Variants in NDUFAF2 observed in about 807,000 individuals in gnomAD.
NDUFAF2 encodes NADH:ubiquinone oxidoreductase complex assembly factor 2.
Under a neutral mutation model 22.8 loss-of-function variants are expected in NDUFAF2, and 13 were observed. That is an observed-to-expected ratio of 0.57 (90% CI 0.37 to 0.91). The LOEUF (loss-of-function observed/expected upper bound fraction) is 0.91. NDUFAF2 is among the 40% of genes least tolerant of loss of function. NDUFAF2 has a pLI of 0.01. For synonymous variants in NDUFAF2, 53 were observed against 64.2 expected, an observed-to-expected ratio of 0.83 and a Z score of 0.84; for missense variants, 162 against 195.2, an observed-to-expected ratio of 0.83 and a Z score of 1.01.
Position 61,104,191 on chromosome 5 carries a change from T to C in NDUFAF2, c.258+5159T>C, listed in dbSNP as rs567409938. ...TCAGCATGTGTTCTTCAGTGTTGTA[T>C]AAGGTGAATTCACATTTCACAGAGC... On this transcript the variant is annotated intron_variant, in intron 3 of 3. Transcript: ENST00000296597. 3.9e-5 allele frequency among the ~76,000 whole-genome samples: 6 copies of C among 152,252 alleles called. No homozygotes were observed. In the South Asian group the frequency reaches 1.0e-3, roughly 26 times the overall value.
intron 3 of NDUFAF2, chr5:61,146,260 A>G (rs39661): frequency 0.6 from 91,342 of 151,940 alleles, 28,218 homozygotes; most frequent in East Asian, 0.94. Flanking sequence ...AATGCTTCTC[A>G]TGTGCTCAGG....
chr5:60,961,371 G>A (rs920070770), intron 1 of NDUFAF2, among the ~76,000 whole-genome samples: 1 of 152,048 alleles, frequency 6.6e-6, no homozygotes, highest in East Asian at 1.9e-4. Context: ...CAAGGCGGGT[G>A]GGTCACGAGG....
At chr5:60,992,839 C>T (rs973953271) in intron 1 of NDUFAF2, among the ~76,000 whole-genome samples, 1 of 152,092 alleles carries the variant, frequency 6.6e-6, no homozygotes, top group Non-Finnish European at 1.5e-5. Context: ...TTAAATATAT[C>T]AGGCCACTCT....
At chr5:60,952,426 T>C (rs1010323531) in intron 1 of NDUFAF2, among the ~76,000 whole-genome samples, 4 of 152,078 alleles carry the variant, frequency 2.6e-5, no homozygotes, top group Non-Finnish European at 5.9e-5. Context: ...TTTTCTTATT[T>C]ATTTTTTCCT....
intron 1 of NDUFAF2, among the ~76,000 whole-genome samples, chr5:61,011,350 C>T (rs1751440679): frequency 6.6e-6 from 1 of 152,068 alleles, no homozygotes; most frequent in South Asian, 2.1e-4. Context: ...GAAGTGTCTG[C>T]CCCACTTTTG....
At chr5:61,113,816 GT>G (rs34763275) in intron 3 of NDUFAF2, among the ~76,000 whole-genome samples, 92,781 of 150,138 alleles carry the variant, frequency 0.62, 29,445 homozygotes, top group East Asian at 0.94. Context: ...TAGGATTAAA[GT>G]TTTTTTTTTT....
At chr5:61,074,106 C>T (rs910600814) in intron 2 of NDUFAF2, among the ~76,000 whole-genome samples, 1 of 152,190 alleles carries the variant, frequency 6.6e-6, no homozygotes, top group Non-Finnish European at 1.5e-5. Flanking sequence ...CAGTTCCTAG[C>T]ATAGTGCCTG....
chr5:61,043,049 G>A (rs559091175), intron 1 of NDUFAF2, among the ~76,000 whole-genome samples: 3 of 152,174 alleles, frequency 2.0e-5, no homozygotes, highest in East Asian at 1.9e-4. Context: ...GTGAAACCCC[G>A]TCTCTACTAA....
At chr5:61,140,564 T>G (rs1579851608) in intron 3 of NDUFAF2, among the ~76,000 whole-genome samples, 2 of 152,370 alleles carry the variant, frequency 1.3e-5, no homozygotes, top group East Asian at 3.9e-4. Context: ...ATGTCCCATA[T>G]AATTTTTAGG....
intron 2 of NDUFAF2, among the ~76,000 whole-genome samples, chr5:61,080,672 T>C (rs1283774244): frequency 1.3e-5 from 2 of 152,156 alleles, no homozygotes; most frequent in Non-Finnish European, 2.9e-5. Context: ...TACTTTTATA[T>C]CTTTTTGCCC....
chr5:61,015,407 G>A (rs939221250), intron 1 of NDUFAF2, among the ~76,000 whole-genome samples: 25 of 152,154 alleles, frequency 1.6e-4, no homozygotes, highest in Non-Finnish European at 2.1e-4. Flanking sequence ...TCAGCCTCCT[G>A]AGTAGCTGGG....
At chr5:60,960,187 A>G (rs1750666121) in intron 1 of NDUFAF2, among the ~76,000 whole-genome samples, 1 of 152,186 alleles carries the variant, frequency 6.6e-6, no homozygotes, top group African/African-American at 2.4e-5. Flanking sequence ...TGTAAGAGAA[A>G]AAGAGTTATT....
At chr5:61,001,988 G>A (rs552067411) in intron 1 of NDUFAF2, among the ~76,000 whole-genome samples, 1 of 152,094 alleles carries the variant, frequency 6.6e-6, no homozygotes. Context: ...GAAAGGGTTG[G>A]TAGGAAAACT....
At chr5:60,945,499 G>A (rs1750425864) in intron 1 of NDUFAF2, 117 bp downstream of exon 1, 1 of 1,452,422 alleles carries the variant, frequency 6.9e-7, no homozygotes, top group Non-Finnish European at 9.6e-7. Context: ...GGTGTCACCG[G>A]AGAGAATTTC....
At chr5:60,976,423 C>T (rs186002612) in intron 1 of NDUFAF2, among the ~76,000 whole-genome samples, 4 of 151,974 alleles carry the variant, frequency 2.6e-5, no homozygotes, top group African/African-American at 9.6e-5. Context: ...CTAATATTCA[C>T]ATATTATAGT....
chr5:61,114,766 A>G (rs1232984982), intron 3 of NDUFAF2: 1 of 151,320 alleles, frequency 6.6e-6, no homozygotes, highest in African/African-American at 2.4e-5. Flanking sequence ...GGGGACTCAA[A>G]GCCCAGTAAT....
chr5:60,955,089 A>G (rs1340331391), intron 1 of NDUFAF2, among the ~76,000 whole-genome samples: 1 of 151,996 alleles, frequency 6.6e-6, no homozygotes, highest in Non-Finnish European at 1.5e-5. Flanking sequence ...AGACTTATCT[A>G]TTTTTGCTTT....
At chr5:61,108,900 C>T (rs779893951) in intron 3 of NDUFAF2, among the ~76,000 whole-genome samples, 1 of 152,070 alleles carries the variant, frequency 6.6e-6, no homozygotes, top group Non-Finnish European at 1.5e-5. Flanking sequence ...TGTGATTCCC[C>T]CAGTTTTGTT....
intron 1 of NDUFAF2, among the ~76,000 whole-genome samples, chr5:61,066,511 G>A (rs765734272): frequency 5.3e-5 from 8 of 151,910 alleles, no homozygotes; most frequent in Non-Finnish European, 8.8e-5. Flanking sequence ...AAAACAGTAC[G>A]GTACTGGCAT....
Sources: allele counts gnomAD v4.1 joint callset (sites outside exome capture counted in the v4.1 genomes callset), GRCh38; gene constraint gnomAD v4.1.1; transcripts MANE v1.5; gene names NCBI Gene and HGNC (gene_info 2026-07-23, HGNC 2026-07-21).